LDLRAD3: variants seen among roughly 807,000 people sequenced by gnomAD.
The protein encoded by LDLRAD3 is low-density lipoprotein receptor class A domain-containing protein 3.
A neutral mutation model predicts 29.4 loss-of-function variants in LDLRAD3; 20 were observed. The observed-to-expected ratio is 0.68, with a 90% CI of 0.48 to 0.99. LDLRAD3 has a LOEUF of 0.99. LDLRAD3 is among the 50% of genes least tolerant of loss of function. The pLI is 0.00. For missense variants in LDLRAD3, 420 were observed against 454.3 expected (o/e 0.92, Z 0.69); for synonymous variants, 157 against 192.7 (o/e 0.81, Z 1.53).
At chr11:36,172,574 T>C (rs1854613016) in intron 4 of LDLRAD3, among the ~76,000 whole-genome samples, 1 of 152,184 alleles carries the variant, frequency 6.6e-6, no homozygotes, top group African/African-American at 2.4e-5. Flanking sequence ...TCTGCATCTA[T>C]TGAGATGATC....
At position 36,036,113 on chromosome 11, in the gene LDLRAD3, G is replaced by A. The variant is rs1406797217; in HGVS notation, c.57G>A (p.Leu19=). The change falls in exon 2 of 6, where the codon CTG becomes CTA. Residue 19 remains leucine (L), a synonymous_variant. Coordinates refer to ENST00000315571, the MANE Select transcript of LDLRAD3 (RefSeq NM_174902.4). The part of the protein sequence containing the change: ...LLLSSAAESQ[L]LPGNNFTNEC... The stretch of plus-strand genomic sequence containing the variant: ...CCCTCTCTCTGACAGAGAGCCAGCT[G>A]CTCCCCGGGAACAACTTCACCAATG... The A allele has an allele frequency of 6.2e-7, 1 of 1,613,796 alleles. No homozygotes were observed. The highest frequency in any genetic ancestry group is 8.5e-7 in the Non-Finnish European group (1 of 1,179,816).
At chr11:36,121,327 G>A (rs965855896) in intron 4 of LDLRAD3, among the ~76,000 whole-genome samples, 2 of 152,132 alleles carry the variant, frequency 1.3e-5, no homozygotes, top group African/African-American at 2.4e-5. Context: ...GTTTCACATG[G>A]TAGGAAAAGG....
chr11:36,077,006 C>T (rs116411258), intron 2 of LDLRAD3, among the ~76,000 whole-genome samples: 3,743 of 152,136 alleles, frequency 0.025, 159 homozygotes, highest in African/African-American at 0.085. Flanking sequence ...TTTGAGTTTT[C>T]CCCACATGTG....
At chr11:36,028,455 G>A (rs1007202032) in intron 1 of LDLRAD3, among the ~76,000 whole-genome samples, 3 of 152,248 alleles carry the variant, frequency 2.0e-5, no homozygotes, top group South Asian at 2.1e-4. Flanking sequence ...TTTTACATAA[G>A]CCTGTAGTTG....
At chr11:36,123,032 TA>T (rs1198266621) in intron 4 of LDLRAD3, among the ~76,000 whole-genome samples, 4 of 151,912 alleles carry the variant, frequency 2.6e-5, no homozygotes, top group Non-Finnish European at 4.4e-5. Flanking sequence ...AACAAAAATT[TA>T]AAAATCAGCC....
intron 3 of LDLRAD3, among the ~76,000 whole-genome samples, chr11:36,093,298 C>A (rs1853311344): frequency 6.6e-6 from 1 of 152,134 alleles, no homozygotes; most frequent in Non-Finnish European, 1.5e-5. Context: ...GCTGTATTTG[C>A]TTCAGAATTT....
chr11:36,120,919 A>C (rs1853746585), intron 4 of LDLRAD3, among the ~76,000 whole-genome samples: 1 of 152,204 alleles, frequency 6.6e-6, no homozygotes, highest in South Asian at 2.1e-4. Flanking sequence ...GTGAGAAGAC[A>C]CTGTCTGTGA....
chr11:35,966,084 A>T (rs1241347491), intron 1 of LDLRAD3, among the ~76,000 whole-genome samples: 1 of 152,230 alleles, frequency 6.6e-6, no homozygotes, highest in Non-Finnish European at 1.5e-5. Context: ...GGTATGACAA[A>T]GAAGAGTACT....
At chr11:35,953,240 G>A (rs1426573720) in intron 1 of LDLRAD3, among the ~76,000 whole-genome samples, 1 of 152,194 alleles carries the variant, frequency 6.6e-6, no homozygotes, top group Admixed American at 6.5e-5. Context: ...TGTTGTCTCT[G>A]TCCTGGCGAG....
At chr11:36,021,768 A>T (rs1852098916) in intron 1 of LDLRAD3, among the ~76,000 whole-genome samples, 1 of 152,118 alleles carries the variant, frequency 6.6e-6, no homozygotes, top group Non-Finnish European at 1.5e-5. Flanking sequence ...CAGCCTCCTG[A>T]GTAGCTGTGA....
At chr11:36,063,603 A>C (rs1182841390) in intron 2 of LDLRAD3, among the ~76,000 whole-genome samples, 1 of 152,186 alleles carries the variant, frequency 6.6e-6, no homozygotes, top group East Asian at 1.9e-4. Flanking sequence ...CATTATATGG[A>C]ATATAGGAGT....
intron 4 of LDLRAD3, among the ~76,000 whole-genome samples, chr11:36,159,206 G>A (rs1854398952): frequency 6.6e-6 from 1 of 152,156 alleles, no homozygotes; most frequent in African/African-American, 2.4e-5. Context: ...GGTCGTTCAT[G>A]GCTGTAATCC....
At chr11:36,010,879 C>T (rs1851946894) in intron 1 of LDLRAD3, among the ~76,000 whole-genome samples, 1 of 152,056 alleles carries the variant, frequency 6.6e-6, no homozygotes, top group Non-Finnish European at 1.5e-5. Context: ...GATCTTGGCT[C>T]ACTGCAACCT....
intron 4 of LDLRAD3, among the ~76,000 whole-genome samples, chr11:36,141,004 C>CTCTCTCTCTCTCTT (rs1854076443): frequency 8.5e-6 from 1 of 117,744 alleles, no homozygotes; most frequent in African/African-American, 3.5e-5. Context: ...CTCTCTCTCT[C>CTCTCTCTCTCTCTT]TCTCTCTCTC....
In LDLRAD3 at chr11:36,194,588, A is replaced by G. The variant is rs575419537; in HGVS notation, c.455-32497A>G. Among the ~76,000 whole-genome samples, 34 of 152,272 alleles carry G rather than the reference A, an allele frequency of 2.2e-4. No individual in the cohort carries two copies. In the South Asian group the frequency reaches 6.2e-3, roughly 28 times the overall value. On this transcript the variant is annotated intron_variant, in intron 4 of 5. Coordinates refer to ENST00000315571, the MANE Select transcript of LDLRAD3 (RefSeq NM_174902.4). The stretch of plus-strand genomic sequence containing the variant: ...AGTCTTGGTGATTAGATACAGTCCT[A>G]TTCTCCATGGGTTCATGGTTGCCCA...
At chr11:36,053,262 C>G (rs983879397) in intron 2 of LDLRAD3, among the ~76,000 whole-genome samples, 1 of 151,838 alleles carries the variant, frequency 6.6e-6, no homozygotes, top group African/African-American at 2.4e-5. Context: ...TTTTAAATCT[C>G]ATTTTGACAT....
At chr11:36,215,516 C>T (rs184197916) in intron 4 of LDLRAD3, among the ~76,000 whole-genome samples, 5 of 152,114 alleles carry the variant, frequency 3.3e-5, no homozygotes, top group Admixed American at 2.0e-4. Context: ...TGCAGAGTCC[C>T]GTTTGGCATC....
intron 1 of LDLRAD3, among the ~76,000 whole-genome samples, chr11:36,011,977 G>A (rs1442535384): frequency 6.6e-6 from 1 of 152,160 alleles, no homozygotes; most frequent in African/African-American, 2.4e-5. Flanking sequence ...GAAGAAGGCA[G>A]GTACGGTCAT....
In LDLRAD3 at chr11:36,154,539, C is replaced by T. The variant is rs546087504; in HGVS notation, c.454+56078C>T. On this transcript the variant is annotated intron_variant, in intron 4 of 5. Transcript: ENST00000315571. ...AATCACAACAGAGGTTTAGAGAAGT[C>T]GTAGGGAAAAGAAATTGTTTGTTGT... Among the ~76,000 whole-genome samples the T allele has an allele frequency of 6.6e-5, 10 of 152,254 alleles. No individual in the cohort carries two copies. The East Asian group carries it at 7.7e-4, about 12-fold the overall frequency.
Sources: gnomAD v4.1 joint callset for allele counts (sites outside exome capture counted in the v4.1 genomes callset) on GRCh38, gnomAD v4.1.1 for gene constraint, MANE v1.5 for transcripts, NCBI Gene and HGNC (gene_info 2026-07-23, HGNC 2026-07-21) for gene names.